The following YARS2 variants were observed in gnomAD, a reference collection of about 807,000 sequenced individuals.
YARS2 encodes the protein tyrosyl-tRNA synthetase 2, also known as tyrosine--tRNA ligase, mitochondrial.
Under a neutral mutation model 45.0 loss-of-function variants are expected in YARS2, and 38 were observed. The observed-to-expected ratio is 0.84, with a 90% CI of 0.65 to 1.11. The LOEUF is 1.11. YARS2 is among the 50% of genes least tolerant of loss of function. The pLI, the probability that YARS2 is intolerant of heterozygous loss-of-function variation, is 0.00. For missense variants in YARS2, 602 were observed against 599.8 expected (o/e 1.00, Z -0.04); for synonymous variants, 287 against 245.1 (o/e 1.17, Z -1.60).
rs1045810484 is a variant in YARS2, at chr12:32,755,176, G to A, written c.699C>T (p.Phe233=). Residue 233 remains phenylalanine (F), a synonymous_variant, in exon 1 of 5, where the codon TTC becomes TTT. Coordinates refer to ENST00000324868, the MANE Select transcript of YARS2 (RefSeq NM_001040436.3). ...VLQAYDFYYL[F]QRYGCRVQLG... ...GCTGGACCCTGCATCCATAACGCTG[G>A]AAGAGGTAATAGAAGTCATAGGCCT... is the stretch of plus-strand genomic sequence containing the variant. 8 of 1,614,200 alleles carry A rather than the reference G, an allele frequency of 5.0e-6. No homozygotes were observed. Among genetic ancestry groups the A allele is most frequent in the Non-Finnish European group, 5.9e-6 (7 of 1,180,044 alleles).
intron 2 of YARS2, among the ~76,000 whole-genome samples, chr12:32,753,042 C>T (rs889258441): frequency 1.3e-5 from 2 of 151,804 alleles, no homozygotes; most frequent in East Asian, 3.9e-4. Flanking sequence ...TGGCCGGGTG[C>T]GGGGGCTCAT....
At position 32,754,176 on chromosome 12, in the gene YARS2, G is replaced by A. The variant is rs977350107; in HGVS notation, c.780-91C>T. On this transcript the variant is annotated intron_variant, in intron 1 of 4. Transcript: ENST00000324868. ...CTTCCAGATTTCTTTCTGGTTACTT[G>A]CTCCAGGAAAACTTCCTTGACCTCC... The A allele has an allele frequency of 2.7e-6, 4 of 1,509,020 alleles. No homozygotes were observed. In the Admixed American group the frequency reaches 5.0e-5, roughly 19 times the overall value. 93.5% of individuals were successfully genotyped at this position (1,509,020 alleles called of 1,614,324 possible). A position where few individuals can be genotyped will look rare whatever the true frequency, so the allele number is the denominator to read the frequency against.
Position 32,755,878 on chromosome 12 carries a change from G to A in YARS2, c.-4C>T, listed in dbSNP as rs979410756. The stretch of plus-strand genomic sequence containing the variant: ...ACCGCAAGATGGGCGCCGCCATCTT[G>A]GTAGCGGCACGAAGGGAATGCTGGG... On this transcript the variant is annotated 5_prime_UTR_variant, in exon 1 of 5. Transcript: ENST00000324868. 1.2e-6 allele frequency: 2 copies of A among 1,612,972 alleles called. No individual in the cohort carries two copies. The highest frequency in any genetic ancestry group is 3.3e-5 in the Admixed American group (2 of 60,024).
Position 32,747,285 on chromosome 12 carries a change from TC to T in YARS2, c.1352del (p.Gly451AspfsTer14). The T allele has an allele frequency of 1.2e-6, 2 of 1,614,026 alleles. No individual in the cohort carries two copies. The highest frequency in any genetic ancestry group is 1.7e-6 in the Non-Finnish European group (2 of 1,179,888). On this transcript the variant is annotated frameshift_variant, in exon 5 of 5. Coordinates refer to ENST00000324868, the MANE Select transcript of YARS2 (RefSeq NM_001040436.3). LOFTEE classifies it high-confidence loss of function. ...AAAGTCCATTCTTGAGAATATGTTG[TC>T]CAACAATTAAAACACTCTCAGGATT... Reference protein sequence around the residue: ...VTNPESVLIVGQHILKNGLSL... With the variant: ...VTNPESVLIVXQHILKNGLSL...
At chr12:32,751,243 T>A (rs1015358471) in intron 2 of YARS2, among the ~76,000 whole-genome samples, 20 of 151,910 alleles carry the variant, frequency 1.3e-4, no homozygotes, top group Middle Eastern at 3.4e-3. Flanking sequence ...ATTTTTATAT[T>A]TTTTTTGTAA....
chr12:32,750,035 C>G lies in YARS2; in HGVS notation c.1176G>C (p.Leu392Phe). The G allele has an allele frequency of 6.2e-7, 1 of 1,614,022 alleles. No individual in the cohort carries two copies. The highest frequency in any genetic ancestry group is 8.5e-7 in the Non-Finnish European group (1 of 1,179,900). ...EVMSDQELKE[L>F]FKEAPFSEFF... is the part of the protein sequence containing the mutation. Reference sequence around the variant, plus strand: ...ATTCAGAAAATGGAGCTTCTTTAAACAACTCTTTTAACTCCTGATCAGACA... The same window carrying G: ...ATTCAGAAAATGGAGCTTCTTTAAAGAACTCTTTTAACTCCTGATCAGACA... The change falls in exon 4 of 5, where the codon TTG becomes TTC. Residue 392 changes from leucine (L) to phenylalanine (F), a missense_variant. Transcript: ENST00000324868.
chr12:32,753,399 T>G (rs943523689), intron 2 of YARS2, among the ~76,000 whole-genome samples: 1 of 152,266 alleles, frequency 6.6e-6, no homozygotes, highest in Non-Finnish European at 1.5e-5. Flanking sequence ...GTCATATACC[T>G]TTTAAGTCTT....
At chr12:32,748,615 T>C (rs971493417) in intron 4 of YARS2, among the ~76,000 whole-genome samples, 5 of 152,202 alleles carry the variant, frequency 3.3e-5, no homozygotes, top group Non-Finnish European at 7.3e-5. Context: ...AAATTATTTG[T>C]CTCGCTGACA....
intron 2 of YARS2, 146 bp from the exon 3 acceptor site, chr12:32,751,020 A>C: frequency 1.1e-6 from 1 of 892,320 alleles, no homozygotes. Flanking sequence ...TCCCATGCAC[A>C]CATCACCCAG....
intron 2 of YARS2, chr12:32,752,740 C>CAAAAAAAAAA (rs56907654): frequency 5.6e-5 from 11 of 196,782 alleles, no homozygotes; most frequent in Non-Finnish European, 7.6e-5. Context: ...GACACTGCCT[C>CAAAAAAAAAA]AAAAAAAAAA....
chr12:32,754,776 G>GCGATCT (rs1223692755), intron 1 of YARS2, among the ~76,000 whole-genome samples: 2 of 149,120 alleles, frequency 1.3e-5, no homozygotes, highest in Non-Finnish European at 3.0e-5. Context: ...GTGCAGTGGC[G>GCGATCT]CGATCTCGGC....
chr12:32,748,875 C>G (rs974295836), intron 4 of YARS2, among the ~76,000 whole-genome samples: 2 of 152,220 alleles, frequency 1.3e-5, no homozygotes, highest in Non-Finnish European at 2.9e-5. Context: ...TCTGTGTGAA[C>G]TCCTGCAAAA....
chr12:32,751,009 G>A (rs1052766944), intron 2 of YARS2, 135 bp from the exon 3 acceptor site: 4 of 990,990 alleles, frequency 4.0e-6, no homozygotes, highest in Non-Finnish European at 5.9e-6. Flanking sequence ...AACATAGTAG[G>A]TCCCATGCAC....
At chr12:32,751,103 G>C (rs1955735894) in intron 2 of YARS2, among the ~76,000 whole-genome samples, 1 of 143,842 alleles carries the variant, frequency 7.0e-6, no homozygotes. Flanking sequence ...GGGTCTTGCT[G>C]TTGCCCAGGC....
chr12:32,751,431 C>T (rs1412293696), intron 2 of YARS2, among the ~76,000 whole-genome samples: 1 of 151,920 alleles, frequency 6.6e-6, no homozygotes, highest in African/African-American at 2.4e-5. Flanking sequence ...AATCACATTC[C>T]CTTCCTTGCC....
intron 4 of YARS2, among the ~76,000 whole-genome samples, chr12:32,748,850 G>A (rs927418337): frequency 4.6e-5 from 7 of 152,328 alleles, no homozygotes; most frequent in Middle Eastern, 3.4e-3. Context: ...TGATATGGCC[G>A]ATAACCATTT....
In YARS2 at chr12:32,755,153, T is replaced by C; in HGVS notation, c.722A>G (p.Gln241Arg). The C allele has an allele frequency of 6.2e-7, 1 of 1,614,208 alleles. No homozygotes were observed. Among genetic ancestry groups the C allele is most frequent in the Non-Finnish European group, 8.5e-7 (1 of 1,180,028 alleles). ...GCCTAGTTGATCAGATCCGCCCAGC[T>C]GGACCCTGCATCCATAACGCTGGAA... The part of the protein sequence containing the change: ...YLFQRYGCRV[Q>R]LGGSDQLGNI... The change falls in exon 1 of 5, where the codon CAG (glutamine) becomes CGG (arginine). Residue 241 changes from glutamine (Q) to arginine (R), a missense_variant. Coordinates refer to ENST00000324868, the MANE Select transcript of YARS2 (RefSeq NM_001040436.3).
At chr12:32,749,600 A>G (rs1309519507) in intron 4 of YARS2, among the ~76,000 whole-genome samples, 1 of 152,132 alleles carries the variant, frequency 6.6e-6, no homozygotes, top group African/African-American at 2.4e-5. Context: ...TTATTTTTTG[A>G]GACAGAGTCT....
intron 2 of YARS2, among the ~76,000 whole-genome samples, chr12:32,753,159 A>G (rs1311865824): frequency 3.9e-5 from 6 of 152,112 alleles, no homozygotes; most frequent in African/African-American, 1.4e-4. Flanking sequence ...ACTAAAAAAA[A>G]AATACAAAAT....
Sources: gnomAD v4.1 joint callset for allele counts (sites outside exome capture counted in the v4.1 genomes callset) on GRCh38, gnomAD v4.1.1 for gene constraint, MANE v1.5 for transcripts, NCBI Gene and HGNC (gene_info 2026-07-23, HGNC 2026-07-21) for gene names.